The following CCDC18 variants were observed in gnomAD, a reference collection of about 807,000 sequenced individuals.
The protein encoded by CCDC18 is coiled-coil domain containing 18.
A neutral mutation model predicts 196.0 loss-of-function variants in CCDC18; 157 were observed. That is an observed-to-expected ratio of 0.80 (90% CI 0.70 to 0.91). The LOEUF is 0.91. Among genes scored for constraint, CCDC18 ranks in the 40% least tolerant of loss-of-function variants. CCDC18 has a pLI of 0.00. For missense variants in CCDC18, 1,465 were observed against 1,611.6 expected (o/e 0.91, Z 1.56); for synonymous variants, 482 against 529.2 (o/e 0.91, Z 1.22).
At chr1:93,203,667 A>C (rs1305657640) in intron 7 of CCDC18, among the ~76,000 whole-genome samples, 1 of 152,158 alleles carries the variant, frequency 6.6e-6, no homozygotes, top group Admixed American at 6.5e-5. Flanking sequence ...CAAATTGGTC[A>C]AGAAGAATGA....
chr1:93,204,986 T>A (rs995044656), intron 7 of CCDC18, among the ~76,000 whole-genome samples: 4 of 151,896 alleles, frequency 2.6e-5, no homozygotes, highest in African/African-American at 9.7e-5. Context: ...AAGAGACAGG[T>A]TTTGTTTTTT....
chr1:93,214,710 T>C, intron 11 of CCDC18, 33 bp from the exon 12 acceptor site: 1 of 1,476,676 alleles, frequency 6.8e-7, no homozygotes, highest in South Asian at 1.2e-5. Flanking sequence ...CTTGAAGTCC[T>C]ATTCAGAACA....
intron 17 of CCDC18, among the ~76,000 whole-genome samples, chr1:93,228,771 TAATA>T (rs1557659379): frequency 6.6e-6 from 1 of 152,040 alleles, no homozygotes; most frequent in South Asian, 2.1e-4. Context: ...CTCCGCTTCA[TAATA>T]AATAGACTTG....
intron 19 of CCDC18, among the ~76,000 whole-genome samples, chr1:93,238,714 A>C (rs1268730524): frequency 1.3e-5 from 2 of 152,198 alleles, no homozygotes; most frequent in East Asian, 3.8e-4. Flanking sequence ...CCGTATTAGA[A>C]TAAGTTCAGG....
chr1:93,206,761 G>T (rs1654769589), intron 8 of CCDC18, among the ~76,000 whole-genome samples: 1 of 152,142 alleles, frequency 6.6e-6, no homozygotes, highest in Non-Finnish European at 1.5e-5. Flanking sequence ...GAAATGCTAT[G>T]TCAGGGATTT....
chr1:93,199,326 T>C (rs1310720091), intron 6 of CCDC18, among the ~76,000 whole-genome samples: 1 of 152,160 alleles, frequency 6.6e-6, no homozygotes, highest in African/African-American at 2.4e-5. Flanking sequence ...GCTGTGGTGG[T>C]GTGAGCAGCT....
rs779542405 is a variant in CCDC18 at position 93,184,104 on chromosome 1, A to G, written c.261A>G (p.Ile87Met). 1.9e-6 allele frequency: 3 copies of G among 1,564,302 alleles called. No individual in the cohort carries two copies. Among genetic ancestry groups the G allele is most frequent in the African/African-American group, 1.4e-5 (1 of 73,546 alleles). The change falls in exon 3 of 29, where the codon ATA (isoleucine) becomes ATG (methionine). Residue 87 changes from isoleucine to methionine, a missense_variant. Coordinates refer to ENST00000690025, the MANE Select transcript of CCDC18 (RefSeq NM_001378204.1). ...NYSPYENVCK[I>M]SGSSTDFQKK... is the part of the protein sequence containing the mutation. ...CACCTTATGAAAACGTCTGTAAAATATCTGGTAGCAGCACTGATTTTCAAA... is the reference window on the plus strand; with the variant it reads ...CACCTTATGAAAACGTCTGTAAAATGTCTGGTAGCAGCACTGATTTTCAAA...
intron 4 of CCDC18, among the ~76,000 whole-genome samples, chr1:93,187,798 A>G (rs1329492035): frequency 6.6e-6 from 1 of 152,142 alleles, no homozygotes; most frequent in Non-Finnish European, 1.5e-5. Context: ...TTTTTCAAGC[A>G]TTTACATTTG....
upstream of CCDC18, chr1:93,180,098 A>T (rs145381742): frequency 1.2e-6 from 2 of 1,613,478 alleles, no homozygotes; most frequent in African/African-American, 2.7e-5. Context: ...ATGGGCTGGT[A>T]GAAGCACTCC....
chr1:93,193,656 A>T lies in CCDC18; in HGVS notation c.610A>T (p.Ile204Phe). The T allele has an allele frequency of 6.3e-7, 1 of 1,594,462 alleles. No homozygotes were observed. Residue 204 changes from isoleucine to phenylalanine, a missense_variant, in exon 6 of 29, where the codon ATT becomes TTT. Transcript: ENST00000690025. ...NKLEQSQKMV[I>F]EKEQSLQESK... The stretch of plus-strand genomic sequence containing the variant: ...GCTGGAACAGAGCCAGAAAATGGTA[A>T]TTGAAAAGGAACAGAGTTTGCAGGA...
At chr1:93,243,190 G>C (rs504810) in intron 21 of CCDC18, among the ~76,000 whole-genome samples, 30,040 of 152,166 alleles carry the variant, frequency 0.2, 3,411 homozygotes, top group African/African-American at 0.3. Flanking sequence ...CTTCTGCCTG[G>C]AGAACCAGGC....
intron 28 of CCDC18, among the ~76,000 whole-genome samples, chr1:93,274,016 A>C (rs1665496275): frequency 6.6e-6 from 1 of 152,154 alleles, no homozygotes; most frequent in Non-Finnish European, 1.5e-5. Context: ...GCTCTTAACC[A>C]CTATATATAA....
At chr1:93,218,268 C>A (rs1242399649) in intron 14 of CCDC18, among the ~76,000 whole-genome samples, 2 of 152,132 alleles carry the variant, frequency 1.3e-5, no homozygotes, top group Non-Finnish European at 2.9e-5. Flanking sequence ...CCCTGCTTAT[C>A]CATGGGAGAG....
rs1385570342 is a variant in CCDC18, at chr1:93,271,466, C to T, written c.4353+652C>T. The T allele has an allele frequency of 1.3e-5, 13 of 985,226 alleles. No individual in the cohort carries two copies. In the South Asian group the frequency reaches 4.7e-4, roughly 36 times the overall value. 61.0% of individuals were successfully genotyped at this position (985,226 alleles called of 1,614,324 possible). A position where few individuals can be genotyped will look rare whatever the true frequency, so the allele number is the denominator to read the frequency against. ...TAATATGCTTGCCTGTTTTGCTTCT[C>T]TGCTTCCTGATTTAATCTGTATCTT... is the stretch of plus-strand genomic sequence containing the variant. On this transcript the variant is annotated intron_variant, in intron 28 of 28. Coordinates refer to ENST00000690025, the MANE Select transcript of CCDC18 (RefSeq NM_001378204.1).
rs1383359472 is a variant in CCDC18, at chr1:93,246,187, A to T, written c.3064A>T (p.Lys1022Ter). The stretch of plus-strand genomic sequence containing the variant: ...ACTTAAAGAGAGAAATTGGGAACTA[A>T]AGCAAAGAGCAGCTCAGGTTGATTT... ...QALKERNWELKQRAAQVTHLD... is the reference protein window; with the variant it reads ...QALKERNWEL Residue 1022 changes from lysine (K) to a stop codon, truncating the protein, a stop_gained, in exon 22 of 29, where the codon AAG (lysine) becomes TAG (stop). Transcript: ENST00000690025. LOFTEE classifies it high-confidence loss of function. 1 of 1,605,220 alleles carries T rather than the reference A, an allele frequency of 6.2e-7. No homozygotes were observed. Among genetic ancestry groups the T allele is most frequent in the Admixed American group, 1.7e-5 (1 of 58,776 alleles).
chr1:93,216,533 C>A, intron 12 of CCDC18, 103 bp from the exon 13 acceptor site: 1 of 543,752 alleles, frequency 1.8e-6, no homozygotes, highest in South Asian at 2.9e-5. Context: ...TTTACCTAGA[C>A]ACAATGTATT....
At chr1:93,256,629 G>T (rs572146571) in intron 25 of CCDC18, 91 bp downstream of exon 25, 3 of 1,012,706 alleles carry the variant, frequency 3.0e-6, no homozygotes, top group Non-Finnish European at 4.5e-6. Flanking sequence ...TTTCAAAAAT[G>T]AACTGTATTG....
At chr1:93,236,070 T>A (rs1318481173) in intron 18 of CCDC18, among the ~76,000 whole-genome samples, 178 bp from the exon 19 acceptor site, 1 of 152,242 alleles carries the variant, frequency 6.6e-6, no homozygotes, top group Non-Finnish European at 1.5e-5. Context: ...TAGTAATATG[T>A]ATGTGAAGTA....
intron 16 of CCDC18, among the ~76,000 whole-genome samples, chr1:93,224,780 G>A (rs1404323235): frequency 1.3e-5 from 2 of 152,180 alleles, no homozygotes; most frequent in African/African-American, 4.8e-5. Context: ...TTGCCCAAAT[G>A]AGTTATTACA....
Sources: gnomAD v4.1 joint callset for allele counts (sites outside exome capture counted in the v4.1 genomes callset) on GRCh38, gnomAD v4.1.1 for gene constraint, MANE v1.5 for transcripts, NCBI Gene and HGNC (gene_info 2026-07-23, HGNC 2026-07-21) for gene names.